CLUAP1: variants seen among roughly 807,000 people sequenced by gnomAD.
The protein encoded by CLUAP1 is clusterin-associated protein 1.
A neutral mutation model predicts 55.0 loss-of-function variants in CLUAP1; 50 were observed. The observed-to-expected ratio is 0.91, with a 90% CI of 0.72 to 1.15. CLUAP1 has a LOEUF of 1.15. Ranked by LOEUF, CLUAP1 falls within the 50% of genes most tolerant of loss-of-function variation. The pLI is 0.00. For synonymous variants in CLUAP1, 195 were observed against 175.4 expected (o/e 1.11, Z -0.88); for missense variants, 530 against 507.6 (o/e 1.04, Z -0.42).
chr16:3,528,336 T>G (rs2037988520), intron 9 of CLUAP1, among the ~76,000 whole-genome samples: 1 of 152,186 alleles, frequency 6.6e-6, no homozygotes, highest in Admixed American at 6.5e-5. Context: ...TCTCTTTCTC[T>G]TTCTTTGCCA....
chr16:3,510,749 A>G (rs556983592), intron 4 of CLUAP1, among the ~76,000 whole-genome samples: 65 of 152,372 alleles, frequency 4.3e-4, no homozygotes, highest in African/African-American at 1.4e-3. Context: ...ATTGGTTACT[A>G]TATTAGACAT....
chr16:3,521,486 G>A (rs2037832479), intron 7 of CLUAP1, among the ~76,000 whole-genome samples: 2 of 151,104 alleles, frequency 1.3e-5, no homozygotes, highest in African/African-American at 2.4e-5. Flanking sequence ...CGAGGCTGGA[G>A]TGCAATGGCG....
chr16:3,520,280 G>A (rs529237220), intron 7 of CLUAP1, among the ~76,000 whole-genome samples: 46 of 152,182 alleles, frequency 3.0e-4, no homozygotes, highest in African/African-American at 1.1e-3. Flanking sequence ...GCTGAGGCGG[G>A]AGGATTGCTT....
chr16:3,520,706 C>T (rs370671418), intron 7 of CLUAP1, among the ~76,000 whole-genome samples: 1 of 152,168 alleles, frequency 6.6e-6, no homozygotes, highest in East Asian at 1.9e-4. Context: ...CAGAAACATA[C>T]TCCTGCCTGT....
Position 3,506,595 on chromosome 16 carries a change from G to A in CLUAP1, c.219+180G>A, listed in dbSNP as rs561875254. On this transcript the variant is annotated intron_variant, in intron 3 of 11. Coordinates refer to ENST00000576634, the MANE Select transcript of CLUAP1 (RefSeq NM_015041.3). The stretch of plus-strand genomic sequence containing the variant: ...ACAATCTTGGCTCACTGCAACCTCC[G>A]TCTCCTCGGGGGTTCTCCTGTCTCA... Among the ~76,000 whole-genome samples, 23 of 152,062 alleles carry A rather than the reference G, an allele frequency of 1.5e-4. 1 individual carries two copies. The highest frequency in any genetic ancestry group is 4.3e-4 in the African/African-American group (18 of 41,498).
At chr16:3,525,012 G>C (rs569497741) in intron 8 of CLUAP1, among the ~76,000 whole-genome samples, 43 of 152,322 alleles carry the variant, frequency 2.8e-4, no homozygotes, top group African/African-American at 1.0e-3. Flanking sequence ...ACAATACTGA[G>C]CATTTGAGTT....
chr16:3,512,971 C>T (rs1339142203), intron 5 of CLUAP1, among the ~76,000 whole-genome samples: 4 of 152,256 alleles, frequency 2.6e-5, no homozygotes, highest in South Asian at 4.2e-4. Flanking sequence ...TGAGCCACCG[C>T]GCCCGGCACT....
At chr16:3,527,818 C>T (rs1476528076) in intron 9 of CLUAP1, among the ~76,000 whole-genome samples, 1 of 152,134 alleles carries the variant, frequency 6.6e-6, no homozygotes, top group African/African-American at 2.4e-5. Flanking sequence ...GTCTCTCTGC[C>T]TCAGCTGCCA....
Position 3,520,032 on chromosome 16 carries a change from G to C in CLUAP1, c.709G>C (p.Val237Leu). 1 of 1,607,242 alleles carries C rather than the reference G, an allele frequency of 6.2e-7. No individual in the cohort carries two copies. ...GAAGCGACTAGAGACTCTGCAGAGT[G>C]TCAGGTAGATATGAACACTTGGAGA... ...NRKRLETLQS[V>L]RPCFMDEYEK... Residue 237 changes from valine (V) to leucine (L), a missense_variant, in exon 7 of 12, where the codon GTC (valine) becomes CTC (leucine). Physicochemically the swap from Val to Leu is conservative, Grantham distance 32. Coordinates refer to ENST00000576634, the MANE Select transcript of CLUAP1 (RefSeq NM_015041.3).
chr16:3,502,454 A>G (rs2037424630), intron 1 of CLUAP1, among the ~76,000 whole-genome samples: 1 of 151,898 alleles, frequency 6.6e-6, no homozygotes, highest in African/African-American at 2.4e-5. Context: ...AAAAAAAAAA[A>G]AAAAAAGGAA....
At chr16:3,500,332 G>C (rs532596927), upstream of CLUAP1, among the ~76,000 whole-genome samples, 6 of 152,166 alleles carry the variant, frequency 3.9e-5, 1 homozygote, top group South Asian at 1.2e-3. Context: ...GCTGTGCCTC[G>C]GACGGGGGAA....
At chr16:3,496,356 T>G (rs1422515728), upstream of CLUAP1, 2 of 1,208,954 alleles carry the variant, frequency 1.7e-6, no homozygotes, top group African/African-American at 1.5e-5. Context: ...CTGAAGAGGT[T>G]GTTTATGAGT....
chr16:3,527,334 T>C (rs528188188), intron 9 of CLUAP1, among the ~76,000 whole-genome samples: 3 of 152,104 alleles, frequency 2.0e-5, no homozygotes, highest in African/African-American at 7.2e-5. Flanking sequence ...CATACAGATA[T>C]AGGAGCTGAG....
Position 3,506,333 on chromosome 16 carries a change from A to G in CLUAP1, c.137A>G (p.Tyr46Cys), listed in dbSNP as rs751722395. The G allele has an allele frequency of 3.5e-5, 57 of 1,613,440 alleles. No individual in the cohort carries two copies. The highest frequency in any genetic ancestry group is 6.7e-5 in the Admixed American group (4 of 60,002). The change falls in exon 3 of 12, where the codon TAT becomes TGT. Residue 46 changes from tyrosine to cysteine, a missense_variant and splice_region_variant. Tyr to Cys is a radical substitution (Grantham distance 194). Transcript: ENST00000576634. ...SEVLLWLVKR[Y>C]EPQTDIPPDV... is the part of the protein sequence containing the mutation. Reference sequence around the variant, plus strand: ...TCTCCTCTTACCTCTCTTGATAGATATGAGCCCCAGACTGACATCCCGCCT... The same window carrying G: ...TCTCCTCTTACCTCTCTTGATAGATGTGAGCCCCAGACTGACATCCCGCCT...
At chr16:3,527,057 CT>C in intron 9 of CLUAP1, among the ~76,000 whole-genome samples, 1 of 152,206 alleles carries the variant, frequency 6.6e-6, no homozygotes, top group Middle Eastern at 3.4e-3. Context: ...CATGCAAAGC[CT>C]AGATTCCGGG....
At chr16:3,512,594 T>G (rs961412628) in intron 5 of CLUAP1, 116 bp downstream of exon 5, 1 of 765,144 alleles carries the variant, frequency 1.3e-6, no homozygotes, top group Non-Finnish European at 2.2e-6. Flanking sequence ...TTGAATGAGC[T>G]AATGTGTGGA....
chr16:3,523,156 A>T lies in CLUAP1; in HGVS notation c.714-2A>T. The T allele has an allele frequency of 3.1e-6, 5 of 1,607,100 alleles. No homozygotes were observed. Among genetic ancestry groups the T allele is most frequent in the Non-Finnish European group, 4.2e-6 (5 of 1,177,652 alleles). On this transcript the variant is annotated splice_acceptor_variant, in intron 7 of 11. Coordinates refer to ENST00000576634, the MANE Select transcript of CLUAP1 (RefSeq NM_015041.3). LOFTEE classifies it high-confidence loss of function. ...CCTTTTTATTTCATTTGCTTCTTTT[A>T]GGCCATGTTTTATGGATGAGTATGA...
intron 2 of CLUAP1, among the ~76,000 whole-genome samples, chr16:3,505,243 A>T (rs2037480238): frequency 6.6e-6 from 1 of 152,114 alleles, no homozygotes; most frequent in South Asian, 2.1e-4. Context: ...TCAAAAAACA[A>T]AATCAGGCCG....
chr16:3,507,402 T>C (rs951247120), intron 3 of CLUAP1, among the ~76,000 whole-genome samples: 1 of 150,538 alleles, frequency 6.6e-6, no homozygotes, highest in Non-Finnish European at 1.5e-5. Context: ...AAAATAAATT[T>C]AAAAAAAATT....
Sources: gnomAD v4.1 joint callset for allele counts (sites outside exome capture counted in the v4.1 genomes callset) on GRCh38, gnomAD v4.1.1 for gene constraint, MANE v1.5 for transcripts, NCBI Gene and HGNC (gene_info 2026-07-23, HGNC 2026-07-21) for gene names.